APBA2: variants seen among roughly 807,000 people sequenced by gnomAD.
APBA2 encodes the protein amyloid beta precursor protein binding family A member 2.
APBA2 carries 30 observed loss-of-function variants against 75.0 expected under a neutral mutation model. The observed-to-expected ratio is 0.40, with a 90% CI of 0.30 to 0.54. APBA2 has a LOEUF of 0.54. Among genes scored for constraint, APBA2 ranks in the 20% least tolerant of loss-of-function variants. The pLI, the probability that APBA2 is intolerant of heterozygous loss-of-function variation, is 0.49. For missense variants in APBA2, 801 were observed against 1,016.1 expected (o/e 0.79, Z 2.88); for synonymous variants, 444 against 409.6 (o/e 1.08, Z -1.01).
chr15:28,955,116 C>T (rs1355245267), intron 2 of APBA2, among the ~76,000 whole-genome samples: 31 of 152,088 alleles, frequency 2.0e-4, no homozygotes. Flanking sequence ...AGGACTTTGT[C>T]AGACAGTTTG....
rs777174694 is a variant in APBA2, at chr15:28,975,206, A to T, written c.-94-20547A>T. On this transcript the variant is annotated intron_variant, in intron 2 of 14. Coordinates refer to ENST00000683413, the MANE Select transcript of APBA2 (RefSeq NM_001353788.2). ...GACCCCAGTAGACACAGAAAGTTTT[A>T]AAAAAAAATTCCTACTGGAAAAAAA... Among the ~76,000 whole-genome samples, 91 of 150,836 alleles carry T rather than the reference A, an allele frequency of 6.0e-4. 1 individual carries two copies. The highest frequency in any genetic ancestry group is 2.5e-4 in the Non-Finnish European group (17 of 67,884).
At position 29,046,285 on chromosome 15, in the gene APBA2, C is replaced by T. The variant is rs1319466513; in HGVS notation, c.-40-7560C>T. 6.6e-6 allele frequency among the ~76,000 whole-genome samples: 1 copy of T among 152,214 alleles called. No individual in the cohort carries two copies. The highest frequency in any genetic ancestry group is 6.5e-5 in the Admixed American group (1 of 15,282). On this transcript the variant is annotated intron_variant, in intron 3 of 14. Coordinates refer to ENST00000683413, the MANE Select transcript of APBA2 (RefSeq NM_001353788.2). This position sits in a 1 kb window ranked among gnomAD's most constrained non-coding sequence, Gnocchi z 5.0. The stretch of plus-strand genomic sequence containing the variant: ...TCTTTGAAAGAACCACTTGTTTCTA[C>T]CTACGTTTTTGCCCACCTTTCCTTC...
At chr15:29,060,935 G>A (rs891844926) in intron 4 of APBA2, among the ~76,000 whole-genome samples, 3 of 152,176 alleles carry the variant, frequency 2.0e-5, no homozygotes, top group Admixed American at 1.3e-4. Context: ...GAGGACCCCA[G>A]CTGGGCACTG....
At chr15:28,904,886 T>C (rs2033061034) in intron 1 of APBA2, among the ~76,000 whole-genome samples, 1 of 152,190 alleles carries the variant, frequency 6.6e-6, no homozygotes, top group Non-Finnish European at 1.5e-5. Flanking sequence ...GAGAGACTGT[T>C]AGTTATTCCA....
intron 10 of APBA2, among the ~76,000 whole-genome samples, chr15:29,103,203 G>A (rs2044219247): frequency 6.6e-6 from 1 of 152,230 alleles, no homozygotes; most frequent in African/African-American, 2.4e-5. Context: ...GAGTTTCCAA[G>A]GGGCACTGAG....
chr15:28,923,974 A>G (rs143698009), intron 2 of APBA2, among the ~76,000 whole-genome samples: 1 of 152,276 alleles, frequency 6.6e-6, no homozygotes, highest in East Asian at 1.9e-4. Flanking sequence ...GTTTTGAGTG[A>G]TTTCAAGAGA....
chr15:28,905,699 C>T (rs2033098516), intron 1 of APBA2, among the ~76,000 whole-genome samples: 1 of 152,156 alleles, frequency 6.6e-6, no homozygotes. Flanking sequence ...CTTGATATCT[C>T]TGTTTTAAAA....
At chr15:28,887,428 G>T (rs1028791038) in intron 1 of APBA2, among the ~76,000 whole-genome samples, 10 of 152,194 alleles carry the variant, frequency 6.6e-5, no homozygotes, top group Admixed American at 6.5e-4. Context: ...TAAGGTGCAG[G>T]TTGGCAGGTG....
Position 29,098,583 on chromosome 15 carries a change from G to A in APBA2, c.1338+7G>A, listed in dbSNP as rs375835399. On this transcript the variant is annotated splice_region_variant and intron_variant, in intron 9 of 14. Transcript: ENST00000683413. ...TTTAAATGCAGACACGCAGGTAAGC[G>A]TTTAAGACAGTTGTTCAAAATCAGG... 3.2e-5 allele frequency: 52 copies of A among 1,609,164 alleles called. No homozygotes were observed. The highest frequency in any genetic ancestry group is 3.2e-4 in the South Asian group (29 of 90,972).
chr15:29,002,267 T>C (rs113813161), intron 3 of APBA2, among the ~76,000 whole-genome samples: 26 of 152,248 alleles, frequency 1.7e-4, no homozygotes, highest in African/African-American at 5.5e-4. Flanking sequence ...GCAATGTACA[T>C]GTCATGGAGA....
chr15:29,008,193 T>C (rs2039223307), intron 3 of APBA2, among the ~76,000 whole-genome samples: 3 of 152,120 alleles, frequency 2.0e-5, no homozygotes, highest in Non-Finnish European at 4.4e-5. Flanking sequence ...GTCAAATTCA[T>C]GGAGACAGAA....
chr15:28,987,985 G>A (rs1483758299), intron 2 of APBA2, among the ~76,000 whole-genome samples: 2 of 151,556 alleles, frequency 1.3e-5, no homozygotes, highest in Admixed American at 1.3e-4. Flanking sequence ...TCGAATTCCT[G>A]ACCTCAAGTG....
intron 6 of APBA2, among the ~76,000 whole-genome samples, chr15:29,083,567 G>T (rs1377534129): frequency 6.6e-6 from 1 of 152,084 alleles, no homozygotes; most frequent in Non-Finnish European, 1.5e-5. Context: ...GTCTCACTCT[G>T]TCGCCCAGGC....
intron 2 of APBA2, among the ~76,000 whole-genome samples, chr15:28,947,011 T>C (rs1194261570): frequency 6.6e-6 from 1 of 152,240 alleles, no homozygotes; most frequent in African/African-American, 2.4e-5. Flanking sequence ...GCCTTTCCAT[T>C]GCAGCAAGAT....
At position 29,046,734 on chromosome 15, in the gene APBA2, G is replaced by A. The variant is rs116503926; in HGVS notation, c.-40-7111G>A. ...CCAAAGTGAGCGAATCACTGCATTG[G>A]AGGAGTGACTCTTGGCTTTTCACAA... is the stretch of plus-strand genomic sequence containing the variant. On this transcript the variant is annotated intron_variant, in intron 3 of 14. Coordinates refer to ENST00000683413, the MANE Select transcript of APBA2 (RefSeq NM_001353788.2). The surrounding 1 kb of genome is among the most constrained non-coding windows in gnomAD (Gnocchi z 5.0). 0.013 allele frequency among the ~76,000 whole-genome samples: 2,022 copies of A among 152,312 alleles called. 47 individuals are homozygous for A. Among genetic ancestry groups the A allele is most frequent in the African/African-American group, 0.046 (1,914 of 41,564 alleles).
intron 2 of APBA2, among the ~76,000 whole-genome samples, chr15:28,951,881 C>CTTTTTTTTTTTTTTTTTTTTTTTTTTT (rs71414600): frequency 9.1e-6 from 1 of 109,824 alleles, no homozygotes. Context: ...TGCACTCAGC[C>CTTTTTTTTTTTTTTTTTTTTTTTTTTT]TTTTTTTTTT....
chr15:29,078,647 A>T (rs1350773174), intron 6 of APBA2, among the ~76,000 whole-genome samples: 1 of 151,886 alleles, frequency 6.6e-6, no homozygotes, highest in Non-Finnish European at 1.5e-5. Flanking sequence ...CAAAAAAAAA[A>T]AGTCCAGAGG....
At chr15:28,955,402 G>C (rs2036113001) in intron 2 of APBA2, among the ~76,000 whole-genome samples, 1 of 152,134 alleles carries the variant, frequency 6.6e-6, no homozygotes, top group South Asian at 2.1e-4. Flanking sequence ...TCATACCAGT[G>C]AATTCACCAA....
intron 4 of APBA2, among the ~76,000 whole-genome samples, chr15:29,070,095 C>T (rs1455303301): frequency 1.3e-5 from 2 of 152,218 alleles, no homozygotes; most frequent in Non-Finnish European, 1.5e-5. Context: ...GTATAGGGTA[C>T]CCAGTTACAT....
Sources: allele counts gnomAD v4.1 joint callset (sites outside exome capture counted in the v4.1 genomes callset), GRCh38; gene constraint gnomAD v4.1.1; non-coding constraint Gnocchi (gnomAD v3.1); transcripts MANE v1.5; gene names NCBI Gene and HGNC (gene_info 2026-07-23, HGNC 2026-07-21).